The following SORCS2 variants were observed in gnomAD, a reference collection of about 807,000 sequenced individuals.
SORCS2 encodes sortilin related VPS10 domain containing receptor 2.
In SORCS2, 100 loss-of-function variants were observed where a neutral mutation model predicts 141.6. That is an observed-to-expected ratio of 0.71 (90% CI 0.60 to 0.83). SORCS2 has a LOEUF of 0.83. Ranked by LOEUF, SORCS2 falls within the 40% of genes least tolerant of loss-of-function variation. The probability of loss-of-function intolerance (pLI) is 0.00; values close to 1 mark genes in which losing one functional copy is unlikely to be tolerated. For synonymous variants in SORCS2, 789 were observed against 676.9 expected (o/e 1.17, Z -2.57); for missense variants, 1,646 against 1,560.2 (o/e 1.05, Z -0.93).
chr4:7,265,215 G>A (rs1435376857), intron 1 of SORCS2, among the ~76,000 whole-genome samples: 1 of 152,192 alleles, frequency 6.6e-6, no homozygotes, highest in East Asian at 1.9e-4. Context: ...GGTGTAGGCT[G>A]GGCACGATGG....
intron 2 of SORCS2, among the ~76,000 whole-genome samples, chr4:7,411,270 A>C (rs1014300838): frequency 1.3e-5 from 2 of 151,720 alleles, no homozygotes; most frequent in Non-Finnish European, 2.9e-5. Flanking sequence ...CTCCATCTTG[A>C]CTTTAATACC....
intron 1 of SORCS2, among the ~76,000 whole-genome samples, chr4:7,262,919 G>C (rs1293659930): frequency 6.6e-6 from 1 of 152,240 alleles, no homozygotes; most frequent in East Asian, 1.9e-4. Flanking sequence ...GACGGCCAAT[G>C]TGGGACCTCG....
At chr4:7,300,947 C>G (rs887686856) in intron 1 of SORCS2, among the ~76,000 whole-genome samples, 7 of 152,184 alleles carry the variant, frequency 4.6e-5, no homozygotes, top group African/African-American at 1.7e-4. Context: ...CTGGGCAGCT[C>G]CCTCTGCAGA....
At chr4:7,672,711 T>C (rs906392694) in intron 8 of SORCS2, among the ~76,000 whole-genome samples, 14 of 152,198 alleles carry the variant, frequency 9.2e-5, no homozygotes, top group Non-Finnish European at 1.6e-4. Context: ...CTCATATCCA[T>C]TCTGCCCCTT....
intron 3 of SORCS2, among the ~76,000 whole-genome samples, chr4:7,633,221 T>G (rs1720011112): frequency 6.6e-6 from 1 of 152,118 alleles, no homozygotes; most frequent in Admixed American, 6.5e-5. Context: ...CACAAGTGGT[T>G]GTCAGGATGC....
chr4:7,594,089 T>G (rs952202433), intron 3 of SORCS2, among the ~76,000 whole-genome samples: 1 of 152,218 alleles, frequency 6.6e-6, no homozygotes, highest in Non-Finnish European at 1.5e-5. Flanking sequence ...ACCCAATTCC[T>G]GCCCTCACAA....
At chr4:7,515,891 G>A (rs1732945941) in intron 2 of SORCS2, among the ~76,000 whole-genome samples, 2 of 152,274 alleles carry the variant, frequency 1.3e-5, no homozygotes, top group South Asian at 2.1e-4. Flanking sequence ...TGGTTGCCGT[G>A]TCACCTCGAG....
chr4:7,646,787 T>C (rs150176326), intron 4 of SORCS2, among the ~76,000 whole-genome samples: 17 of 152,262 alleles, frequency 1.1e-4, no homozygotes, highest in African/African-American at 4.1e-4. Context: ...TCTGTTTCTG[T>C]GGTTTAAGCT....
At chr4:7,495,794 G>A (rs148758189) in intron 2 of SORCS2, among the ~76,000 whole-genome samples, 11 of 152,210 alleles carry the variant, frequency 7.2e-5, no homozygotes, top group African/African-American at 2.4e-4. Flanking sequence ...CCCCCTGATT[G>A]AGTCTGAGCT....
At chr4:7,602,274 G>C (rs184537954) in intron 3 of SORCS2, among the ~76,000 whole-genome samples, 2 of 151,298 alleles carry the variant, frequency 1.3e-5, no homozygotes, top group Non-Finnish European at 3.0e-5. Flanking sequence ...CCTCCCTCCC[G>C]GACGGGGTGG....
intron 2 of SORCS2, among the ~76,000 whole-genome samples, chr4:7,438,068 A>G (rs560700915): frequency 1.3e-5 from 2 of 152,352 alleles, no homozygotes; most frequent in African/African-American, 4.8e-5. Flanking sequence ...GTGTGGATAC[A>G]ATACTAGAAT....
intron 2 of SORCS2, among the ~76,000 whole-genome samples, chr4:7,451,855 G>A (rs558960315): frequency 9.2e-5 from 14 of 152,314 alleles, no homozygotes; most frequent in Middle Eastern, 3.4e-3. Flanking sequence ...GGCTTCTCAG[G>A]GCCAAGGCTG....
At chr4:7,633,519 G>C (rs1420368984) in intron 3 of SORCS2, among the ~76,000 whole-genome samples, 1 of 152,178 alleles carries the variant, frequency 6.6e-6, no homozygotes, top group African/African-American at 2.4e-5. Flanking sequence ...CTGTGCTCCA[G>C]CGGAGCCCTG....
intron 1 of SORCS2, among the ~76,000 whole-genome samples, chr4:7,272,063 C>A (rs1715177419): frequency 6.6e-6 from 1 of 152,164 alleles, no homozygotes; most frequent in South Asian, 2.1e-4. Flanking sequence ...GATGGGGTTT[C>A]CAATGGGAGG....
intron 1 of SORCS2, among the ~76,000 whole-genome samples, chr4:7,297,850 C>T (rs1329746959): frequency 1.3e-5 from 2 of 152,142 alleles, no homozygotes; most frequent in East Asian, 1.9e-4. Flanking sequence ...TTGTGCTGGC[C>T]CCACCGTCCA....
intron 3 of SORCS2, among the ~76,000 whole-genome samples, chr4:7,547,513 G>A (rs543880159): frequency 6.6e-6 from 1 of 152,250 alleles, no homozygotes; most frequent in African/African-American, 2.4e-5. Context: ...TGACTAACCA[G>A]CCATCAGAGG....
In SORCS2 at chr4:7,289,161, G is replaced by A. The variant is rs910472323; in HGVS notation, c.480+96035G>A. ...ATCCAGGGAGCCCAGATACAGTTGA[G>A]GAAGCATTATTCCAGTAGTTGGGTG... On this transcript the variant is annotated intron_variant, in intron 1 of 26. Coordinates refer to ENST00000507866, the MANE Select transcript of SORCS2 (RefSeq NM_020777.3). Among the ~76,000 whole-genome samples the A allele has an allele frequency of 4.6e-5, 7 of 152,192 alleles. No homozygotes were observed. The South Asian group carries it at 1.0e-3, about 23-fold the overall frequency.
At chr4:7,608,326 C>A (rs1432429254) in intron 3 of SORCS2, among the ~76,000 whole-genome samples, 1 of 152,202 alleles carries the variant, frequency 6.6e-6, no homozygotes, top group South Asian at 2.1e-4. Flanking sequence ...CTCCGGACCA[C>A]GTCACTCAGT....
At chr4:7,620,869 C>T (rs115728115) in intron 3 of SORCS2, among the ~76,000 whole-genome samples, 1,585 of 152,280 alleles carry the variant, frequency 0.01, 26 homozygotes, top group African/African-American at 0.036. Context: ...GAGGGCAGAT[C>T]GGTCTCCTCT....
Sources: gnomAD v4.1 joint callset for allele counts (sites outside exome capture counted in the v4.1 genomes callset) on GRCh38, gnomAD v4.1.1 for gene constraint, MANE v1.5 for transcripts, NCBI Gene and HGNC (gene_info 2026-07-23, HGNC 2026-07-21) for gene names.